The following WDR44 variants were observed in gnomAD, a reference collection of about 807,000 sequenced individuals.
WDR44 encodes the protein WD repeat domain 44, also known as WD repeat-containing protein 44.
A neutral mutation model predicts 65.7 loss-of-function variants in WDR44; 9 were observed. That is an observed-to-expected ratio of 0.14 (90% confidence interval 0.08 to 0.24). The LOEUF is 0.24. Among genes scored for constraint, WDR44 ranks in the 10% least tolerant of loss-of-function variants. The pLI, the probability that WDR44 is intolerant of heterozygous loss-of-function variation, is 1.00. For synonymous variants in WDR44, 220 were observed against 235.2 expected (o/e 0.94, Z 0.59); for missense variants, 425 against 670.9 (o/e 0.63, Z 4.05).
chrX:118,354,123 A>G (rs972787981), intron 1 of WDR44, among the ~76,000 whole-genome samples: 5 of 111,587 alleles, frequency 4.5e-5, no homozygotes, highest in African/African-American at 1.3e-4. Flanking sequence ...GTTTTGGTCA[A>G]AACAAGGATT....
chrX:118,352,350 A>ATTTTTTTTT (rs2056419703), intron 1 of WDR44, among the ~76,000 whole-genome samples: 9 of 20,306 alleles, frequency 4.4e-4, no homozygotes, highest in African/African-American at 2.9e-3. Context: ...ATATATATAT[A>ATTTTTTTTT]TATTTTTTTT....
intron 1 of WDR44, 52 bp downstream of exon 1, chrX:118,346,632 C>G: frequency 3.0e-6 from 3 of 989,261 alleles, no homozygotes; most frequent in Non-Finnish European, 4.2e-6. Flanking sequence ...CCCCCCGCAT[C>G]TCCTGTGTCT....
chrX:118,441,753 T>G lies in WDR44; in HGVS notation c.2166+194T>G, dbSNP rs527587636. Among the ~76,000 whole-genome samples the G allele has an allele frequency of 1.2e-4, 13 of 111,465 alleles. No homozygotes were observed. The South Asian group carries it at 4.9e-3, about 42-fold the overall frequency. On this transcript the variant is annotated intron_variant, in intron 15 of 19. Coordinates refer to ENST00000254029, the MANE Select transcript of WDR44 (RefSeq NM_019045.5). ...TCTAATTCTAATTTAAAAAAAATTT[T>G]TTTTTGAGATGGAGTCTCACTCTGT... is the stretch of plus-strand genomic sequence containing the variant.
intron 19 of WDR44, among the ~76,000 whole-genome samples, chrX:118,447,741 T>G (rs2057357433): frequency 9.3e-6 from 1 of 107,528 alleles, no homozygotes. Context: ...AAATAATTAG[T>G]CGGGCACAGT....
chrX:118,394,257 A>G, intron 5 of WDR44, 72 bp downstream of exon 5: 1 of 1,171,832 alleles, frequency 8.5e-7, no homozygotes, highest in Non-Finnish European at 1.1e-6. Context: ...GTTGATGATT[A>G]TTCTGTATTC....
At chrX:118,391,163 C>T (rs1370231520) in intron 3 of WDR44, among the ~76,000 whole-genome samples, 3 of 112,045 alleles carry the variant, frequency 2.7e-5, no homozygotes, top group African/African-American at 6.5e-5. Flanking sequence ...GTCACTTTAT[C>T]GAAGTCTTTT....
At chrX:118,350,042 G>C (rs935638481) in intron 1 of WDR44, among the ~76,000 whole-genome samples, 1 of 110,197 alleles carries the variant, frequency 9.1e-6, no homozygotes, top group Non-Finnish European at 1.9e-5. Context: ...GGAGTAAAAT[G>C]CTTTAGGACC....
At chrX:118,418,020 T>C (rs1222612545) in intron 12 of WDR44, among the ~76,000 whole-genome samples, 1 of 111,881 alleles carries the variant, frequency 8.9e-6, no homozygotes, top group African/African-American at 3.2e-5. Flanking sequence ...GTGTGTACAG[T>C]GTTTCCTGAA....
chrX:118,349,188 G>A (rs746859595), intron 1 of WDR44, among the ~76,000 whole-genome samples: 13 of 110,039 alleles, frequency 1.2e-4, no homozygotes, highest in Non-Finnish European at 2.3e-4. Flanking sequence ...AATATATGCC[G>A]TATTTATAAT....
chrX:118,352,740 A>G, intron 1 of WDR44, among the ~76,000 whole-genome samples: 1 of 109,745 alleles, frequency 9.1e-6, no homozygotes, highest in East Asian at 2.9e-4. Context: ...CAATTTTGTT[A>G]GTTACTTCCT....
rs182623633 is a variant in WDR44, at chrX:118,355,407, A to G, written c.77+8827A>G. Among the ~76,000 whole-genome samples the G allele has an allele frequency of 1.2e-4, 14 of 112,484 alleles. No homozygotes were observed. In the East Asian group the frequency reaches 3.9e-3, roughly 31 times the overall value. ...ACAAGTTGGTAAAGACTTTAGTGTT[A>G]CAGGTGGTGCTTAGTCATTGGATTA... On this transcript the variant is annotated intron_variant, in intron 1 of 19. Transcript: ENST00000254029.
intron 17 of WDR44, 43 bp downstream of exon 17, chrX:118,442,723 T>A: frequency 1.7e-5 from 18 of 1,053,373 alleles, no homozygotes; most frequent in Non-Finnish European, 2.4e-5. Flanking sequence ...TCAGGACATT[T>A]CTCCCCTAGT....
chrX:118,365,877 AATCT>A (rs2056548754), intron 1 of WDR44, among the ~76,000 whole-genome samples: 1 of 112,124 alleles, frequency 8.9e-6, no homozygotes, highest in Non-Finnish European at 1.9e-5. Context: ...ACATCAAATC[AATCT>A]GTCTGTAGTT....
At position 118,444,410 on chromosome X, in the gene WDR44, A is replaced by G. The variant is rs1164092103; in HGVS notation, c.2563A>G (p.Met855Val). Residue 855 changes from methionine to valine, a missense_variant, in exon 19 of 20, where the codon ATG becomes GTG. Around this residue, in one of 5 missense-constraint regions of WDR44, gnomAD observed 37 missense variants for 40.9 expected, o/e 0.90. Coordinates refer to ENST00000254029, the MANE Select transcript of WDR44 (RefSeq NM_019045.5). ...CATCTTTGCACCAAACCCAAGTTTG[A>G]TGTTATCTTTGGATGTGCAATCTGA... ...SAIFAPNPSLMLSLDVQSEKS... is the reference protein window; with the variant it reads ...SAIFAPNPSLVLSLDVQSEKS... The G allele has an allele frequency of 8.3e-7, 1 of 1,209,348 alleles. No individual in the cohort carries two copies. Among genetic ancestry groups the G allele is most frequent in the Non-Finnish European group, 1.1e-6 (1 of 894,785 alleles).
At chrX:118,392,145 A>G (rs1602912474) in intron 3 of WDR44, among the ~76,000 whole-genome samples, 1 of 111,869 alleles carries the variant, frequency 8.9e-6, no homozygotes, top group East Asian at 2.8e-4. Context: ...GTTCAGAGCT[A>G]AACAACTTGA....
chrX:118,394,230 C>T, intron 5 of WDR44, 45 bp downstream of exon 5: 1 of 1,194,100 alleles, frequency 8.4e-7, no homozygotes, highest in Non-Finnish European at 1.1e-6. Context: ...TATCAGCTCC[C>T]TGCAACTGGC....
At chrX:118,370,728 G>C (rs1332622471) in intron 1 of WDR44, among the ~76,000 whole-genome samples, 1 of 109,827 alleles carries the variant, frequency 9.1e-6, no homozygotes, top group East Asian at 2.8e-4. Flanking sequence ...GGGATTACAG[G>C]CACGCAGCAG....
rs2056832482 is a variant in WDR44, at chrX:118,392,973, G to C, written c.528G>C (p.Leu176Phe). The C allele has an allele frequency of 1.1e-5, 13 of 1,212,078 alleles. No homozygotes were observed. Among genetic ancestry groups the C allele is most frequent in the Non-Finnish European group, 1.5e-5 (13 of 895,626 alleles). ...TGCTTGAAACTGAAACAGAAGTATT[G>C]AACAAGGAAGCAGTGGAAGTCAAAG... Reference protein sequence around the residue: ...LNVLETETEVLNKEAVEVKGG... With the variant: ...LNVLETETEVFNKEAVEVKGG... The change falls in exon 4 of 20, where the codon TTG becomes TTC. Residue 176 changes from leucine (L) to phenylalanine (F), a missense_variant. This residue lies in a region of WDR44 where 193 missense variants were observed against 209.0 expected (regional missense o/e 0.92). Coordinates refer to ENST00000254029, the MANE Select transcript of WDR44 (RefSeq NM_019045.5).
intron 1 of WDR44, among the ~76,000 whole-genome samples, chrX:118,361,075 T>C (rs2056507343): frequency 8.9e-6 from 1 of 112,008 alleles, no homozygotes; most frequent in African/African-American, 3.2e-5. Context: ...TGTTAGTCAA[T>C]TTTTTTCTGT....
Sources: allele counts gnomAD v4.1 joint callset (sites outside exome capture counted in the v4.1 genomes callset), GRCh38; gene constraint gnomAD v4.1.1; regional missense constraint gnomAD v4.1.1; transcripts MANE v1.5; gene names NCBI Gene and HGNC (gene_info 2026-07-23, HGNC 2026-07-21).